The following NTM variants were observed in gnomAD, a reference collection of about 807,000 sequenced individuals.
The protein encoded by NTM is neurotrimin, also known as IgLON family member 2.
A neutral mutation model predicts 42.1 loss-of-function variants in NTM; 13 were observed. The ratio of observed to expected loss-of-function variants is 0.31; its 90% CI spans 0.20 to 0.49. The LOEUF (loss-of-function observed/expected upper bound fraction) is 0.49. Among genes scored for constraint, NTM ranks in the 20% least tolerant of loss-of-function variants. NTM has a pLI of 0.99. For synonymous variants in NTM, 187 were observed against 179.2 expected, an observed-to-expected ratio of 1.04 and a Z score of -0.35; for missense variants, 373 against 452.8, an observed-to-expected ratio of 0.82 and a Z score of 1.60.
At chr11:131,586,085 G>A (rs1488882989) in intron 1 of NTM, among the ~76,000 whole-genome samples, 1 of 152,048 alleles carries the variant, frequency 6.6e-6, no homozygotes, top group African/African-American at 2.4e-5. Flanking sequence ...GAGTGTGTTA[G>A]CCTTTTAAAA....
chr11:131,681,295 G>T, intron 1 of NTM, among the ~76,000 whole-genome samples: 1 of 56,392 alleles, frequency 1.8e-5, no homozygotes, highest in Non-Finnish European at 4.4e-5. Context: ...GTGAGCGTGT[G>T]TGTTTCTGTG....
intron 2 of NTM, among the ~76,000 whole-genome samples, chr11:132,088,346 T>G (rs747432471): frequency 6.6e-6 from 1 of 152,124 alleles, no homozygotes; most frequent in Non-Finnish European, 1.5e-5. Context: ...CACATTTTAC[T>G]TACCCTTCCT....
At chr11:132,012,986 G>A (rs926653340) in intron 2 of NTM, among the ~76,000 whole-genome samples, 1 of 152,154 alleles carries the variant, frequency 6.6e-6, no homozygotes, top group African/African-American at 2.4e-5. Context: ...TGGACTTACT[G>A]TGTTTGGGAT....
At chr11:132,320,181 G>T (rs2095528577) in intron 7 of NTM, among the ~76,000 whole-genome samples, 1 of 152,252 alleles carries the variant, frequency 6.6e-6, no homozygotes, top group Non-Finnish European at 1.5e-5. Flanking sequence ...CCGCAAGATG[G>T]CTGAATAGGA....
At chr11:131,500,132 C>T (rs1051302306) in intron 1 of NTM, among the ~76,000 whole-genome samples, 3 of 152,180 alleles carry the variant, frequency 2.0e-5, no homozygotes, top group Non-Finnish European at 2.9e-5. Flanking sequence ...GCCACGGGCT[C>T]CAAACCCCAC....
chr11:132,184,770 T>C lies in NTM; in HGVS notation c.401-27252T>C, dbSNP rs537384388. 3.3e-5 allele frequency among the ~76,000 whole-genome samples: 5 copies of C among 152,314 alleles called. No homozygotes were observed. In the East Asian group the frequency reaches 9.6e-4, roughly 29 times the overall value. ...GATGAACAATGAGCTACACAAATTT[T>C]TTGGGAAAAATAATATTCATTTCTA... is the stretch of plus-strand genomic sequence containing the variant. On this transcript the variant is annotated intron_variant, in intron 3 of 8. Coordinates refer to ENST00000683400, the MANE Select transcript of NTM (RefSeq NM_001352005.2).
At position 132,254,833 on chromosome 11, in the gene NTM, G is replaced by A. The variant is rs184583072; in HGVS notation, c.526+42686G>A. 2.8e-3 allele frequency among the ~76,000 whole-genome samples: 420 copies of A among 152,240 alleles called. 2 individuals are homozygous for A. The highest frequency in any genetic ancestry group is 9.6e-3 in the African/African-American group (401 of 41,558). The stretch of plus-strand genomic sequence containing the variant: ...CCAGCCTGGGGTTCTCATTCTTGGC[G>A]CCATTGATATTTAGGCTGGCGAATT... On this transcript the variant is annotated intron_variant, in intron 4 of 8. Coordinates refer to ENST00000683400, the MANE Select transcript of NTM (RefSeq NM_001352005.2).
intron 1 of NTM, among the ~76,000 whole-genome samples, chr11:131,884,732 A>T (rs1390003168): frequency 6.6e-6 from 1 of 152,210 alleles, no homozygotes; most frequent in East Asian, 1.9e-4. Flanking sequence ...TCGCCATCCT[A>T]TCTTGAGCTG....
intron 2 of NTM, among the ~76,000 whole-genome samples, chr11:132,061,960 G>A (rs1472114440): frequency 6.6e-6 from 1 of 152,130 alleles, no homozygotes; most frequent in Non-Finnish European, 1.5e-5. Context: ...CAGATAGGGG[G>A]TATCATTTGC....
chr11:132,318,594 A>G (rs1156715064), intron 7 of NTM, among the ~76,000 whole-genome samples: 1 of 152,156 alleles, frequency 6.6e-6, no homozygotes, highest in East Asian at 1.9e-4. Flanking sequence ...GTGACTCATT[A>G]AGACTATGAC....
intron 1 of NTM, among the ~76,000 whole-genome samples, chr11:131,469,516 A>AGTT (rs2136167910): frequency 6.6e-6 from 1 of 152,312 alleles, no homozygotes; most frequent in Non-Finnish European, 1.5e-5. Flanking sequence ...ATAGACAGAT[A>AGTT]ACTGACTGCA....
At chr11:132,032,502 A>G (rs2076051632) in intron 2 of NTM, among the ~76,000 whole-genome samples, 2 of 152,162 alleles carry the variant, frequency 1.3e-5, no homozygotes, top group South Asian at 4.1e-4. Context: ...ATGTTCAGTG[A>G]TACCTCAATT....
In NTM at chr11:131,457,432, G is replaced by A. The variant is rs569320689; in HGVS notation, c.82+86544G>A. On this transcript the variant is annotated intron_variant, in intron 1 of 8. Coordinates refer to ENST00000683400, the MANE Select transcript of NTM (RefSeq NM_001352005.2). ...AGGGAGGAGAGCAGCAGGTCAGAGA[G>A]AGGCTGGCAGAGAGAGACTTTGGCC... 4.0e-3 allele frequency among the ~76,000 whole-genome samples: 616 copies of A among 152,278 alleles called. 5 individuals are homozygous for A. Among genetic ancestry groups the A allele is most frequent in the African/African-American group, 0.014 (577 of 41,570 alleles).
intron 3 of NTM, among the ~76,000 whole-genome samples, chr11:132,160,284 G>A (rs531861608): frequency 3.9e-5 from 6 of 152,208 alleles, no homozygotes; most frequent in South Asian, 2.1e-4. Flanking sequence ...TGATTGAGTC[G>A]GTCTGGTAGC....
At chr11:131,471,316 A>G (rs1473004942) in intron 1 of NTM, among the ~76,000 whole-genome samples, 3 of 152,220 alleles carry the variant, frequency 2.0e-5, no homozygotes, top group Non-Finnish European at 4.4e-5. Context: ...CGCTCATTCA[A>G]CCAGTTTTTA....
intron 1 of NTM, among the ~76,000 whole-genome samples, chr11:131,633,582 T>C (rs1427274036): frequency 6.9e-6 from 1 of 145,106 alleles, no homozygotes. Context: ...CCTCTCCATC[T>C]CTCTCCCTCT....
intron 8 of NTM, among the ~76,000 whole-genome samples, chr11:132,331,813 T>C (rs2095805193): frequency 6.6e-6 from 1 of 151,200 alleles, no homozygotes; most frequent in East Asian, 1.9e-4. Context: ...AGAATAAGAG[T>C]GATATGGGTG....
At chr11:131,963,650 G>A (rs541052320) in intron 2 of NTM, among the ~76,000 whole-genome samples, 4 of 152,276 alleles carry the variant, frequency 2.6e-5, no homozygotes, top group South Asian at 4.1e-4. Flanking sequence ...CCATTATGTA[G>A]GATAACATGC....
Position 132,258,665 on chromosome 11 carries a change from C to T in NTM, c.526+46518C>T, listed in dbSNP as rs11222987. ...TGGCCACAAAAGAGAAAGCGGACAA[C>T]TCTAGACCTAGGGCCACAGTGTCAA... On this transcript the variant is annotated intron_variant, in intron 4 of 8. Coordinates refer to ENST00000683400, the MANE Select transcript of NTM (RefSeq NM_001352005.2). 6.0e-3 allele frequency among the ~76,000 whole-genome samples: 916 copies of T among 152,276 alleles called. 63 individuals are homozygous for T. The East Asian group carries it at 0.14, about 24-fold the overall frequency.
Sources: gnomAD v4.1 joint callset for allele counts (sites outside exome capture counted in the v4.1 genomes callset) on GRCh38, gnomAD v4.1.1 for gene constraint, MANE v1.5 for transcripts, NCBI Gene and HGNC (gene_info 2026-07-23, HGNC 2026-07-21) for gene names.